SPATA21: variants seen among roughly 807,000 people sequenced by gnomAD.
SPATA21 encodes spermatogenesis-associated protein 21.
Under a neutral mutation model 54.8 loss-of-function variants are expected in SPATA21, and 47 were observed. The ratio of observed to expected loss-of-function variants is 0.86; its 90% CI spans 0.68 to 1.09. The LOEUF is 1.09. Ranked by LOEUF, SPATA21 falls within the 50% of genes least tolerant of loss-of-function variation. The pLI is 0.00. For synonymous variants in SPATA21, 245 were observed against 235.3 expected, an observed-to-expected ratio of 1.04 and a Z score of -0.38; for missense variants, 599 against 596.4, an observed-to-expected ratio of 1.00 and a Z score of -0.05.
chr1:16,398,552 G>T (rs914523722), downstream of SPATA21: 44 of 579,948 alleles, frequency 7.6e-5, no homozygotes, highest in Non-Finnish European at 1.2e-4. Context: ...CCAACCCCGC[G>T]CAGGGCTTTG....
chr1:16,427,859 C>G (rs1281031064), intron 3 of SPATA21: 8 of 1,545,748 alleles, frequency 5.2e-6, no homozygotes, highest in Middle Eastern at 1.7e-4. Context: ...AGCCCCTCAG[C>G]TCACCCTGGT....
intron 7 of SPATA21, among the ~76,000 whole-genome samples, chr1:16,407,448 A>G (rs2085678067): frequency 6.6e-6 from 1 of 151,988 alleles, no homozygotes; most frequent in Non-Finnish European, 1.5e-5. Flanking sequence ...GTATATCATT[A>G]TTATTATTAC....
intron 1 of SPATA21, among the ~76,000 whole-genome samples, chr1:16,434,639 T>C (rs1037851825): frequency 6.6e-6 from 1 of 152,040 alleles, no homozygotes; most frequent in South Asian, 2.1e-4. Context: ...GCTATGAACA[T>C]TCATGTACAA....
chr1:16,408,559 C>T lies in SPATA21; in HGVS notation c.673+559G>A, dbSNP rs777024103. ...AGAGGCAGCTCTGGCACAGGGAGAG[C>T]GCTGGACTTCGAGTCAGAAGACCTA... On this transcript the variant is annotated intron_variant, in intron 7 of 12. Transcript: ENST00000335496. 7.1e-5 allele frequency: 70 copies of T among 984,786 alleles called. No individual in the cohort carries two copies. In the Admixed American group the frequency reaches 1.1e-3, roughly 16 times the overall value. The allele number at this position is 984,786 out of a possible 1,614,324, so 61.0% of individuals were successfully genotyped here. A position where few individuals can be genotyped will look rare whatever the true frequency, so the allele number is the denominator to read the frequency against.
At chr1:16,403,381 G>A (rs2085513778) in intron 10 of SPATA21, among the ~76,000 whole-genome samples, 1 of 152,086 alleles carries the variant, frequency 6.6e-6, no homozygotes, top group Non-Finnish European at 1.5e-5. Context: ...AGCCTTACTG[G>A]TATCATTTGG....
rs140402991 is a variant in SPATA21 at position 16,434,850 on chromosome 1, C to CTTAT, written c.-186-1930_-186-1927dup. On this transcript the variant is annotated intron_variant, in intron 1 of 12. Transcript: ENST00000335496. ...CTCTCCAACACTTGTTATTATCTGT[C>CTTAT]TTATTTATTTATTTATTTATTTTTT... Among the ~76,000 whole-genome samples the CTTAT allele has an allele frequency of 1.6e-3, 236 of 151,672 alleles. 2 individuals carry two copies. The highest frequency in any genetic ancestry group is 0.01 in the Middle Eastern group (3 of 294).
At chr1:16,397,887 T>TAG, downstream of SPATA21, 2 of 413,792 alleles carry the variant, frequency 4.8e-6, no homozygotes, top group Non-Finnish European at 6.5e-6. The surrounding 1 kb of genome is among the most constrained non-coding windows in gnomAD (Gnocchi z 5.4). Flanking sequence ...GGCAGGGCTG[T>TAG]ACCCAGCCTC....
chr1:16,400,794 T>G lies in SPATA21; in HGVS notation c.1100A>C (p.Gln367Pro). Residue 367 changes from glutamine to proline, a missense_variant, in exon 11 of 13, where the codon CAG (glutamine) becomes CCG (proline). Physicochemically the swap from Gln to Pro is moderately conservative, Grantham distance 76 (BLOSUM62 -1). Transcript: ENST00000335496. ...TGGAACTTCTGAGCTCTCTTCTTGC[T>G]GGGGGTTGTAGGGAAGCTTCTGCAA... is the stretch of plus-strand genomic sequence containing the variant. ...LRLQKLPYNP[Q>P]QEESSEVPER... 1.2e-6 allele frequency: 2 copies of G among 1,612,546 alleles called. No homozygotes were observed. Among genetic ancestry groups the G allele is most frequent in the Non-Finnish European group, 1.7e-6 (2 of 1,179,652 alleles).
chr1:16,400,164 T>A (rs1202351508), intron 11 of SPATA21, among the ~76,000 whole-genome samples: 3 of 151,946 alleles, frequency 2.0e-5, no homozygotes, highest in Non-Finnish European at 4.4e-5. Flanking sequence ...GTAGCTGGGA[T>A]TACCGGTGCT....
rs1197970176 is a variant in SPATA21, at chr1:16,421,577, C to A, written c.96-20G>T. On this transcript the variant is annotated intron_variant, in intron 4 of 12. Transcript: ENST00000335496. The surrounding 1 kb of genome is among the most constrained non-coding windows in gnomAD (Gnocchi z 5.2). The stretch of plus-strand genomic sequence containing the variant: ...TCACCCCTGAATAGAAGAGAAACCC[C>A]CAGGTGGGGGAAGCGCTCAGCTGAA... 6.2e-7 allele frequency: 1 copy of A among 1,610,946 alleles called. No individual in the cohort carries two copies. The highest frequency in any genetic ancestry group is 1.3e-5 in the African/African-American group (1 of 74,754).
chr1:16,427,285 C>G (rs1167744132), intron 3 of SPATA21, among the ~76,000 whole-genome samples: 3 of 152,062 alleles, frequency 2.0e-5, no homozygotes, highest in Non-Finnish European at 2.9e-5. Context: ...CTTGAGTTGT[C>G]TCTCCTAACT....
rs1250804191 is a variant in SPATA21 at position 16,409,455 on chromosome 1, T to C, written c.587+146A>G. ...GGAGAGGAGGCAGAGACATGGGAGA[T>C]GCGGAGAGGAGACACATGAGGAGAA... On this transcript the variant is annotated intron_variant, in intron 6 of 12. Transcript: ENST00000335496. The surrounding 1 kb of genome is among the most constrained non-coding windows in gnomAD (Gnocchi z 4.1). 4.3e-6 allele frequency: 4 copies of C among 922,096 alleles called. No homozygotes were observed. The highest frequency in any genetic ancestry group is 6.5e-6 in the Non-Finnish European group (4 of 619,780). The allele number at this position is 922,096 out of a possible 1,614,324, so 57.1% of individuals were successfully genotyped here. A position where few individuals can be genotyped will look rare whatever the true frequency, so the allele number is the denominator to read the frequency against.
chr1:16,405,423 G>A (rs1237934037), intron 7 of SPATA21, among the ~76,000 whole-genome samples: 1 of 148,904 alleles, frequency 6.7e-6, no homozygotes, highest in Non-Finnish European at 1.5e-5. Context: ...TAGGAGGATT[G>A]CTTGAGCCTG....
intron 10 of SPATA21, among the ~76,000 whole-genome samples, chr1:16,401,550 C>T (rs1188081301): frequency 1.3e-5 from 2 of 152,224 alleles, no homozygotes; most frequent in Non-Finnish European, 2.9e-5. Context: ...TACACCTTGG[C>T]CTCCCAAAGT....
At position 16,409,546 on chromosome 1, in the gene SPATA21, G is replaced by A. The variant is rs1273980384; in HGVS notation, c.587+55C>T. ...GGACAGGGACCTGCATCCGGGACAA[G>A]GCTCTGATCTTGGGGCCTTTCAGGA... On this transcript the variant is annotated intron_variant, in intron 6 of 12. Coordinates refer to ENST00000335496, the MANE Select transcript of SPATA21 (RefSeq NM_198546.1). This position sits in a 1 kb window ranked among gnomAD's most constrained non-coding sequence, Gnocchi z 4.1. The A allele has an allele frequency of 2.0e-5, 31 of 1,551,036 alleles. No individual in the cohort carries two copies. The South Asian group carries it at 3.5e-4, about 18-fold the overall frequency.
Position 16,421,916 on chromosome 1 carries a change from T to G in SPATA21, c.90A>C (p.Lys30Asn). Residue 30 changes from lysine to asparagine, a missense_variant, in exon 4 of 13, where the codon AAA (lysine) becomes AAC (asparagine). Transcript: ENST00000335496. The surrounding 1 kb of genome is among the most constrained non-coding windows in gnomAD (Gnocchi z 5.2). ...LPSTPGPKKA[K>N]GGGEAVETHP... is the part of the protein sequence containing the mutation. ...GGCACTGGATGATGACTTACCCTCC[T>G]TTTGCTTTTTTAGGTCCAGGCGTGG... The G allele has an allele frequency of 6.2e-7, 1 of 1,614,152 alleles. No individual in the cohort carries two copies. Among genetic ancestry groups the G allele is most frequent in the Non-Finnish European group, 8.5e-7 (1 of 1,180,012 alleles).
rs2086303898 is a variant in SPATA21 at position 16,425,833 on chromosome 1, G to C, written c.35-3862C>G. 3.0e-6 allele frequency: 3 copies of C among 997,890 alleles called. No homozygotes were observed. The East Asian group carries it at 8.1e-5, about 27-fold the overall frequency. The allele number at this position is 997,890 out of a possible 1,614,324, so 61.8% of individuals were successfully genotyped here. On this transcript the variant is annotated intron_variant, in intron 3 of 12. Transcript: ENST00000335496. The stretch of plus-strand genomic sequence containing the variant: ...TACCATAGGTGCATAGCTAACGCCT[G>C]GAAGGACCAATGAAGGACTCACAGG...
chr1:16,430,995 C>T (rs77516535), intron 3 of SPATA21, among the ~76,000 whole-genome samples: 3,084 of 152,288 alleles, frequency 0.02, 119 homozygotes, highest in African/African-American at 0.071. Context: ...GAATCCAACA[C>T]GGAGGAACAT....
At chr1:16,417,393 G>GGA (rs1468683569) in intron 5 of SPATA21, among the ~76,000 whole-genome samples, 1 of 151,206 alleles carries the variant, frequency 6.6e-6, no homozygotes, top group Non-Finnish European at 1.5e-5. Flanking sequence ...CAAGTAGCCG[G>GGA]GACTACAGGT....
Sources: gnomAD v4.1 joint callset for allele counts (sites outside exome capture counted in the v4.1 genomes callset) on GRCh38, gnomAD v4.1.1 for gene constraint, Gnocchi (gnomAD v3.1) non-coding constraint, MANE v1.5 for transcripts, NCBI Gene and HGNC (gene_info 2026-07-23, HGNC 2026-07-21) for gene names.